The following CYP2C18 variants were observed in gnomAD, a reference collection of about 807,000 sequenced individuals.
CYP2C18 encodes cytochrome P450 2C18.
Under a neutral mutation model 41.3 loss-of-function variants are expected in CYP2C18, and 38 were observed. The ratio of observed to expected loss-of-function variants is 0.92; its 90% confidence interval spans 0.71 to 1.21. The LOEUF is 1.21. CYP2C18 is among the 50% of genes most tolerant of loss of function. The pLI is 0.00. For missense variants in CYP2C18, 635 were observed against 591.4 expected (o/e 1.07, Z -0.77); for synonymous variants, 236 against 210.0 (o/e 1.12, Z -1.07).
At chr10:94,696,542 G>A (rs537570875) in intron 4 of CYP2C18, among the ~76,000 whole-genome samples, 15 of 152,178 alleles carry the variant, frequency 9.9e-5, no homozygotes, top group Middle Eastern at 3.4e-3. Context: ...AAACAGAGCC[G>A]AAAAACTGGA....
intron 4 of CYP2C18, among the ~76,000 whole-genome samples, chr10:94,699,460 G>C (rs1847190139): frequency 6.6e-6 from 1 of 152,086 alleles, no homozygotes; most frequent in Non-Finnish European, 1.5e-5. Flanking sequence ...CAATAAATTA[G>C]GTATTGATGG....
Position 94,735,511 on chromosome 10 carries a change from C to T in CYP2C18, c.*67C>T. On this transcript the variant is annotated 3_prime_UTR_variant, in exon 9 of 9. Transcript: ENST00000285979. ...AATTCTCCCTTATCAGGGCCATTGG[C>T]CTCTCCCTTCTCTCTGTGAGGGATA... 3 of 1,473,224 alleles carry T rather than the reference C, an allele frequency of 2.0e-6. No homozygotes were observed. The highest frequency in any genetic ancestry group is 2.3e-5 in the South Asian group (2 of 86,826). The allele number at this position is 1,473,224 out of a possible 1,614,324, so 91.3% of individuals were successfully genotyped here.
intron 7 of CYP2C18, chr10:94,728,579 G>A: frequency 1.1e-6 from 1 of 930,618 alleles, no homozygotes; most frequent in Non-Finnish European, 1.3e-6. Context: ...CTGATGAAGA[G>A]TTCCCCCACG....
chr10:94,691,527 C>A (rs1404650141), intron 3 of CYP2C18, among the ~76,000 whole-genome samples: 1 of 151,994 alleles, frequency 6.6e-6, no homozygotes, highest in Non-Finnish European at 1.5e-5. Flanking sequence ...TAAAAGAGGA[C>A]ACAAACAAAT....
intron 5 of CYP2C18, among the ~76,000 whole-genome samples, chr10:94,717,712 CTG>C (rs762717692): frequency 5.9e-5 from 9 of 152,102 alleles, no homozygotes; most frequent in Non-Finnish European, 1.2e-4. Context: ...ATTTAAGAGA[CTG>C]TCCCCTTTCC....
Position 94,732,818 on chromosome 10 carries a change from G to A in CYP2C18, c.1150-479G>A, listed in dbSNP as rs570128870. On this transcript the variant is annotated intron_variant, in intron 7 of 8. Coordinates refer to ENST00000285979, the MANE Select transcript of CYP2C18 (RefSeq NM_000772.3). ...GGACTACTAGATGGGGGCTGAAGGG[G>A]AGGAAGGGTTGAAAAACTACCTGTT... Among the ~76,000 whole-genome samples the A allele has an allele frequency of 6.6e-5, 10 of 152,116 alleles. 1 individual carries two copies. The South Asian group carries it at 2.1e-3, about 32-fold the overall frequency.
chr10:94,695,790 G>A (rs973339151), intron 4 of CYP2C18, among the ~76,000 whole-genome samples: 48 of 152,050 alleles, frequency 3.2e-4, no homozygotes, highest in African/African-American at 1.1e-3. Flanking sequence ...ACCCTAATAT[G>A]GTGCTTTTCC....
At chr10:94,708,906 C>G (rs900104696) in intron 5 of CYP2C18, among the ~76,000 whole-genome samples, 1 of 152,126 alleles carries the variant, frequency 6.6e-6, no homozygotes, top group Non-Finnish European at 1.5e-5. Flanking sequence ...TGTATCAGTA[C>G]CTCATTCCTT....
At chr10:94,706,266 T>G (rs1457534423) in intron 4 of CYP2C18, among the ~76,000 whole-genome samples, 1 of 152,206 alleles carries the variant, frequency 6.6e-6, no homozygotes, top group Admixed American at 6.6e-5. Context: ...TCTTAACTAC[T>G]CTGGTGTATG....
chr10:94,733,304 C>T lies in CYP2C18; in HGVS notation c.1157C>T (p.Thr386Ile). ...FKNYLIPKGT[T>I]IITSLTSVLH... is the part of the protein sequence containing the mutation. ...CTGTTTTGCTATTTTCAGGGCACGA[C>T]CATAATAACATCCCTGACTTCTGTG... Residue 386 changes from threonine to isoleucine, a missense_variant, in exon 8 of 9, where the codon ACC becomes ATC. Transcript: ENST00000285979. 6.2e-7 allele frequency: 1 copy of T among 1,612,640 alleles called. No individual in the cohort carries two copies. Among genetic ancestry groups the T allele is most frequent in the Non-Finnish European group, 8.5e-7 (1 of 1,179,188 alleles).
chr10:94,704,553 G>A (rs763529423), intron 4 of CYP2C18, among the ~76,000 whole-genome samples: 3 of 151,964 alleles, frequency 2.0e-5, no homozygotes, highest in African/African-American at 4.8e-5. Flanking sequence ...AAGGAAGGAA[G>A]GAGGAAAGGA....
At chr10:94,717,706 A>G (rs1847576899) in intron 5 of CYP2C18, among the ~76,000 whole-genome samples, 1 of 152,114 alleles carries the variant, frequency 6.6e-6, no homozygotes, top group Admixed American at 6.6e-5. Flanking sequence ...CCATTTATTT[A>G]AGAGACTGTC....
At chr10:94,720,643 A>G in intron 6 of CYP2C18, 106 bp downstream of exon 6, 1 of 1,177,008 alleles carries the variant, frequency 8.5e-7, no homozygotes, top group Non-Finnish European at 1.2e-6. Flanking sequence ...CATTATTGAA[A>G]TTTCTGTGCC....
chr10:94,714,654 A>G (rs559702908), intron 5 of CYP2C18, among the ~76,000 whole-genome samples: 4 of 152,228 alleles, frequency 2.6e-5, no homozygotes, highest in African/African-American at 9.6e-5. Flanking sequence ...TTGACTTGGC[A>G]ATGTGGGCTC....
intron 4 of CYP2C18, among the ~76,000 whole-genome samples, chr10:94,702,053 A>G (rs886370123): frequency 1.3e-5 from 2 of 152,208 alleles, no homozygotes; most frequent in African/African-American, 4.8e-5. Context: ...AAAATGTTGA[A>G]TAGTGGCCCC....
intron 7 of CYP2C18, among the ~76,000 whole-genome samples, chr10:94,731,680 T>C (rs1350463739): frequency 6.6e-6 from 1 of 152,182 alleles, no homozygotes; most frequent in Admixed American, 6.5e-5. Flanking sequence ...TACAGCCATC[T>C]AATCTTAAAC....
chr10:94,727,570 G>A lies in CYP2C18; in HGVS notation c.1149+3037G>A, dbSNP rs530333954. 5.9e-5 allele frequency among the ~76,000 whole-genome samples: 9 copies of A among 151,312 alleles called. No individual in the cohort carries two copies. The East Asian group carries it at 9.8e-4, about 16-fold the overall frequency. ...GTTGACGCTGCTGTGAGCTATGGTC[G>A]TACCACTGTACTCCAGCCTGGGTGA... is the stretch of plus-strand genomic sequence containing the variant. On this transcript the variant is annotated intron_variant, in intron 7 of 8. Transcript: ENST00000285979.
At chr10:94,703,899 G>A (rs1847289115) in intron 4 of CYP2C18, among the ~76,000 whole-genome samples, 1 of 152,216 alleles carries the variant, frequency 6.6e-6, no homozygotes, top group Admixed American at 6.5e-5. Flanking sequence ...TTTGTGGGTT[G>A]CGACAGGTTG....
Position 94,694,984 on chromosome 10 carries a change from C to G in CYP2C18, c.549C>G (p.Phe183Leu). 1 of 1,613,220 alleles carries G rather than the reference C, an allele frequency of 6.2e-7. No homozygotes were observed. The highest frequency in any genetic ancestry group is 8.5e-7 in the Non-Finnish European group (1 of 1,179,870). Reference protein sequence around the residue: ...APCNVICSVIFHDRFDYKDQR... With the variant: ...APCNVICSVILHDRFDYKDQR... ...GCAATGTGATCTGCTCTGTTATTTT[C>G]CATGATCGATTTGATTATAAAGATC... The change falls in exon 4 of 9, where the codon TTC becomes TTG. Residue 183 changes from phenylalanine to leucine, a missense_variant. By Grantham distance (22) the Phe-to-Leu change is conservative (BLOSUM62 0). Coordinates refer to ENST00000285979, the MANE Select transcript of CYP2C18 (RefSeq NM_000772.3).
Sources: gnomAD v4.1 joint callset for allele counts (sites outside exome capture counted in the v4.1 genomes callset) on GRCh38, gnomAD v4.1.1 for gene constraint, MANE v1.5 for transcripts, NCBI Gene and HGNC (gene_info 2026-07-23, HGNC 2026-07-21) for gene names.